The following IWS1 variants were observed in gnomAD, a reference collection of about 807,000 sequenced individuals.
The protein encoded by IWS1 is interacts with SUPT6H, CTD assembly factor 1.
A neutral mutation model predicts 86.7 loss-of-function variants in IWS1; 27 were observed. The observed-to-expected ratio is 0.31, with a 90% CI of 0.23 to 0.43. The LOEUF is 0.43. Ranked by LOEUF, IWS1 falls within the 20% of genes least tolerant of loss-of-function variation. IWS1 has a pLI of 1.00. For missense variants in IWS1, 827 were observed against 1,000.8 expected, an observed-to-expected ratio of 0.83 and a Z score of 2.34; for synonymous variants, 313 against 335.1, an observed-to-expected ratio of 0.93 and a Z score of 0.72.
At chr2:127,482,569 T>A (rs1297573635) in intron 13 of IWS1, 1 of 152,282 alleles carries the variant, frequency 6.6e-6, no homozygotes, top group Non-Finnish European at 1.5e-5. Flanking sequence ...AAGCTTTACC[T>A]GCTCAAATCT....
chr2:127,508,892 G>C lies in IWS1; in HGVS notation c.151-3140C>G, dbSNP rs149653350. Among the ~76,000 whole-genome samples the C allele has an allele frequency of 5.9e-5, 9 of 152,322 alleles. No homozygotes were observed. The East Asian group carries it at 1.7e-3, about 29-fold the overall frequency. ...CCAAAGAAGTGAGAGACACTGGGCA[G>C]TCATCCAAAACTCACCCGCTACACT... On this transcript the variant is annotated intron_variant, in intron 2 of 13. Coordinates refer to ENST00000295321, the MANE Select transcript of IWS1 (RefSeq NM_017969.3).
Position 127,504,846 on chromosome 2 carries a change from T to C in IWS1, c.1057A>G (p.Ser353Gly), listed in dbSNP as rs934714917. ...EMQNDSFHSD[S>G]HMDRKKFHSS... ...TGAAACTTTTTTCTGTCCATATGGC[T>C]GTCTGAATGGAAGGAGTCATTCTGC... The change falls in exon 3 of 14, where the codon AGC becomes GGC. Residue 353 changes from serine (S) to glycine (G), a missense_variant. Physicochemically the swap from Ser to Gly is moderately conservative, Grantham distance 56. This residue lies in a region of IWS1 where 548 missense variants were observed against 560.2 expected (regional missense o/e 0.98). Transcript: ENST00000295321. 28 of 1,614,220 alleles carry C rather than the reference T, an allele frequency of 1.7e-5. No homozygotes were observed. Among genetic ancestry groups the C allele is most frequent in the Non-Finnish European group, 2.4e-5 (28 of 1,180,028 alleles).
chr2:127,495,022 A>C lies in IWS1; in HGVS notation c.1717-68T>G. 5.5e-6 allele frequency: 5 copies of C among 902,502 alleles called. No homozygotes were observed. The South Asian group carries it at 6.7e-5, about 12-fold the overall frequency. The allele number at this position is 902,502 out of a possible 1,614,324, so 55.9% of individuals were successfully genotyped here. A position where few individuals can be genotyped will look rare whatever the true frequency, so the allele number is the denominator to read the frequency against. On this transcript the variant is annotated intron_variant, in intron 7 of 13. Transcript: ENST00000295321. ...TTTTATTAATATTGAATTCACTGTA[A>C]TTCTGAACCTTAAAATAACAGTTTT...
chr2:127,500,221 A>ATTT (rs1305207415), intron 5 of IWS1, among the ~76,000 whole-genome samples: 3 of 152,254 alleles, frequency 2.0e-5, no homozygotes, highest in African/African-American at 7.2e-5. Context: ...GAAAGTGAAA[A>ATTT]AGAAGTAACA....
In IWS1 at chr2:127,489,797, G is replaced by A. The variant is rs370516205; in HGVS notation, c.2159+35C>T. 2.4e-5 allele frequency: 27 copies of A among 1,115,960 alleles called. No homozygotes were observed. The highest frequency in any genetic ancestry group is 6.2e-5 in the African/African-American group (4 of 64,944). The allele number at this position is 1,115,960 out of a possible 1,614,324, so 69.1% of individuals were successfully genotyped here. A position where few individuals can be genotyped will look rare whatever the true frequency, so the allele number is the denominator to read the frequency against. Reference sequence around the variant, plus strand: ...AAAACTGAGTTACTGCAACAATAACGTGTATTCCACTTACTCATACCTGTT... The same window carrying A: ...AAAACTGAGTTACTGCAACAATAACATGTATTCCACTTACTCATACCTGTT... On this transcript the variant is annotated intron_variant, in intron 11 of 13. Transcript: ENST00000295321. This position sits in a 1 kb window ranked among gnomAD's most constrained non-coding sequence, Gnocchi z 4.8.
chr2:127,519,116 T>C (rs1009608648), intron 2 of IWS1, among the ~76,000 whole-genome samples: 5 of 152,118 alleles, frequency 3.3e-5, no homozygotes, highest in Non-Finnish European at 5.9e-5. Context: ...TTTTCAAATC[T>C]TGGAGAAAAA....
intron 13 of IWS1, chr2:127,484,329 C>T (rs1558737672): frequency 6.6e-6 from 1 of 151,626 alleles, no homozygotes; most frequent in African/African-American, 2.4e-5. Context: ...AAAACAAAAA[C>T]AAAAAACAAA....
At chr2:127,513,227 T>A (rs555479725) in intron 2 of IWS1, among the ~76,000 whole-genome samples, 2 of 151,910 alleles carry the variant, frequency 1.3e-5, no homozygotes, top group Admixed American at 1.3e-4. Flanking sequence ...GGTGACAGAG[T>A]GAGACTGTGT....
At position 127,526,436 on chromosome 2, in the gene IWS1, A is replaced by C; in HGVS notation, c.-228T>G. ...CCGGCAGGCTGGCGGGCGGGCAGGCATGCGAGCCGGCGTTCTACTTCCTAG... is the reference window on the plus strand; with the variant it reads ...CCGGCAGGCTGGCGGGCGGGCAGGCCTGCGAGCCGGCGTTCTACTTCCTAG... On this transcript the variant is annotated 5_prime_UTR_variant, in exon 1 of 14. The change abolishes an upstream ATG in the 5' untranslated region. Coordinates refer to ENST00000295321, the MANE Select transcript of IWS1 (RefSeq NM_017969.3). The C allele has an allele frequency of 6.5e-7, 1 of 1,535,276 alleles. No individual in the cohort carries two copies. The highest frequency in any genetic ancestry group is 8.7e-7 in the Non-Finnish European group (1 of 1,143,816).
chr2:127,503,365 C>A (rs368179793), intron 4 of IWS1, 22 bp downstream of exon 4: 131 of 1,581,780 alleles, frequency 8.3e-5, no homozygotes, highest in Non-Finnish European at 7.5e-5. Context: ...CCCCTGAAAA[C>A]TCATGTTATA....
At position 127,526,184 on chromosome 2, in the gene IWS1, C is replaced by T; in HGVS notation, c.25G>A (p.Asp9Asn). The change falls in exon 1 of 14, where the codon GAC (aspartate) becomes AAC (asparagine). Residue 9 changes from aspartate (D) to asparagine (N), a missense_variant. Asp to Asn is a conservative substitution (Grantham distance 23). Coordinates refer to ENST00000295321, the MANE Select transcript of IWS1 (RefSeq NM_017969.3). Reference protein sequence around the residue: MDSEYYSGDQSDDGGATPV... With the variant: MDSEYYSGNQSDDGGATPV... ...CAGGTCCCTGCCCCACCTGACTGGTCGCCGCTGTAATATTCCGAGTCCATG... is the reference window on the plus strand; with the variant it reads ...CAGGTCCCTGCCCCACCTGACTGGTTGCCGCTGTAATATTCCGAGTCCATG... 1 of 1,598,032 alleles carries T rather than the reference C, an allele frequency of 6.3e-7. No homozygotes were observed. The highest frequency in any genetic ancestry group is 8.5e-7 in the Non-Finnish European group (1 of 1,172,810).
At chr2:127,482,599 C>T (rs1193113590) in intron 13 of IWS1, 2 of 152,454 alleles carry the variant, frequency 1.3e-5, no homozygotes, top group Admixed American at 6.5e-5. Flanking sequence ...ACACAATTCC[C>T]AGCAGCTTCA....
chr2:127,494,877 A>AACTACAGC lies in IWS1; in HGVS notation c.1793_1794insGCTGTAGT (p.Lys599LeufsTer2). 6.4e-7 allele frequency: 1 copy of AACTACAGC among 1,571,896 alleles called. No individual in the cohort carries two copies. The highest frequency in any genetic ancestry group is 8.7e-7 in the Non-Finnish European group (1 of 1,154,002). On this transcript the variant is annotated stop_gained and frameshift_variant, in exon 8 of 14. Transcript: ENST00000295321. LOFTEE classifies it high-confidence loss of function. Reference sequence around the variant, plus strand: ...AAAGAAAACAAAATACTTACTTCTTAAGGTGCATAACTACAGCAGGCAGTA... The same window carrying AACTACAGC: ...AAAGAAAACAAAATACTTACTTCTTAACTACAGCAGGTGCATAACTACAGCAGGCAGTA...
intron 2 of IWS1, among the ~76,000 whole-genome samples, chr2:127,523,278 CTGACATAAATGT>C (rs1464453596): frequency 7.2e-5 from 11 of 152,214 alleles, no homozygotes; most frequent in Non-Finnish European, 1.6e-4. Flanking sequence ...AGGGCAAATG[CTGACATAAATGT>C]TGACAGGTGA....
rs1691048623 is a variant in IWS1 at position 127,505,054 on chromosome 2, C to T, written c.849G>A (p.Arg283=). The change falls in exon 3 of 14, where the codon AGG becomes AGA. Residue 283 remains arginine (R), a synonymous_variant. Coordinates refer to ENST00000295321, the MANE Select transcript of IWS1 (RefSeq NM_017969.3). The surrounding 1 kb of genome is among the most constrained non-coding windows in gnomAD (Gnocchi z 5.0). ...ISDSESEDPP[R]NQASDSENEE... ...CATTTTCCGAATCACTGGCCTGGTT[C>T]CTTGGGGGATCCTCACTTTCCGAAT... 6.2e-7 allele frequency: 1 copy of T among 1,611,982 alleles called. No individual in the cohort carries two copies. The highest frequency in any genetic ancestry group is 8.5e-7 in the Non-Finnish European group (1 of 1,179,438).
Position 127,505,494 on chromosome 2 carries a change from C to T in IWS1, c.409G>A (p.Glu137Lys). The part of the protein sequence containing the change: ...KLPGSDSENE[E>K]LLNGHASDSE... ...TCACTTGCATGCCCATTAAGAAGTT[C>T]CTCATTTTCAGAGTCACTACCAGGT... The change falls in exon 3 of 14, where the codon GAA becomes AAA. Residue 137 changes from glutamate to lysine, a missense_variant. By Grantham distance (56) the Glu-to-Lys change is moderately conservative. This residue lies in a region of IWS1 where 548 missense variants were observed against 560.2 expected (regional missense o/e 0.98). Coordinates refer to ENST00000295321, the MANE Select transcript of IWS1 (RefSeq NM_017969.3). This position sits in a 1 kb window ranked among gnomAD's most constrained non-coding sequence, Gnocchi z 5.0. 1 of 1,614,092 alleles carries T rather than the reference C, an allele frequency of 6.2e-7. No individual in the cohort carries two copies. The highest frequency in any genetic ancestry group is 1.3e-5 in the African/African-American group (1 of 75,012).
At chr2:127,511,946 CAA>C (rs111235513) in intron 2 of IWS1, among the ~76,000 whole-genome samples, 1,773 of 152,302 alleles carry the variant, frequency 0.012, 31 homozygotes, top group African/African-American at 0.039. Flanking sequence ...AAGATCCAAA[CAA>C]GAGCAGACTT....
chr2:127,483,077 A>G (rs1055875245), intron 13 of IWS1: 4 of 152,174 alleles, frequency 2.6e-5, no homozygotes, highest in Non-Finnish European at 5.9e-5. Context: ...TTGTCTATGC[A>G]TATGTATGAA....
rs768456060 is a variant in IWS1, at chr2:127,526,454, C to T, written c.-246G>A. 1.8e-5 allele frequency: 27 copies of T among 1,533,864 alleles called. No homozygotes were observed. The highest frequency in any genetic ancestry group is 1.7e-4 in the Middle Eastern group (1 of 5,956). ...GGCAGGCATGCGAGCCGGCGTTCTA[C>T]TTCCTAGAAGCACCGCTGGGGCCAA... On this transcript the variant is annotated 5_prime_UTR_variant, in exon 1 of 14. Transcript: ENST00000295321.
Sources: allele counts gnomAD v4.1 joint callset (sites outside exome capture counted in the v4.1 genomes callset), GRCh38; gene constraint gnomAD v4.1.1; regional missense constraint gnomAD v4.1.1; non-coding constraint Gnocchi (gnomAD v3.1); transcripts MANE v1.5; gene names NCBI Gene and HGNC (gene_info 2026-07-23, HGNC 2026-07-21).